The following KMT2B variants were observed in gnomAD, a reference collection of about 807,000 sequenced individuals.
KMT2B encodes the protein histone-lysine N-methyltransferase 2B.
A neutral mutation model predicts 255.3 loss-of-function variants in KMT2B; 22 were observed. The observed-to-expected ratio is 0.09, with a 90% CI of 0.06 to 0.12. The LOEUF is 0.12. Among genes scored for constraint, KMT2B ranks in the 10% least tolerant of loss-of-function variants. The probability of loss-of-function intolerance (pLI) is 1.00; values close to 1 mark genes in which losing one functional copy is unlikely to be tolerated. For synonymous variants in KMT2B, 1,730 were observed against 1,498.1 expected, an observed-to-expected ratio of 1.15 and a Z score of -3.57; for missense variants, 3,149 against 3,737.0, an observed-to-expected ratio of 0.84 and a Z score of 4.10.
Position 35,718,507 on chromosome 19 carries a change from C to G in KMT2B, c.363+126C>G, listed in dbSNP as rs1255159239. 6.4e-6 allele frequency: 7 copies of G among 1,088,556 alleles called. No individual in the cohort carries two copies. Among genetic ancestry groups the G allele is most frequent in the Non-Finnish European group, 6.9e-6 (6 of 866,076 alleles). 67.4% of individuals were successfully genotyped at this position (1,088,556 alleles called of 1,614,324 possible). ...AGGGTTCCTTCGGAGAGACGGGGCA[C>G]GGAGGGAGGGCGGCTGCATGCAGCT... On this transcript the variant is annotated intron_variant, in intron 1 of 36. Coordinates refer to ENST00000420124, the MANE Select transcript of KMT2B (RefSeq NM_014727.3). The surrounding 1 kb of genome is among the most constrained non-coding windows in gnomAD (Gnocchi z 5.0).
At position 35,723,002 on chromosome 19, in the gene KMT2B, A is replaced by G. The variant is rs924987088; in HGVS notation, c.2730A>G (p.Ser910=). The G allele has an allele frequency of 2.5e-6, 4 of 1,595,194 alleles. No individual in the cohort carries two copies. Among genetic ancestry groups the G allele is most frequent in the Non-Finnish European group, 2.6e-6 (3 of 1,168,730 alleles). Residue 910 remains serine, a synonymous_variant, in exon 6 of 37, where the codon TCA becomes TCG. Transcript: ENST00000420124. This position sits in a 1 kb window ranked among gnomAD's most constrained non-coding sequence, Gnocchi z 7.5. ...DRQDLATEDT[S]SASETESVPS... ...CCCTGCCTGCTGCAATAGATACATCATCGGCGTCCGAGACTGAGAGTGTCC... is the reference window on the plus strand; with the variant it reads ...CCCTGCCTGCTGCAATAGATACATCGTCGGCGTCCGAGACTGAGAGTGTCC...
Position 35,727,947 on chromosome 19 carries a change from C to G in KMT2B, c.4459C>G (p.Arg1487Gly). 1 of 1,588,086 alleles carries G rather than the reference C, an allele frequency of 6.3e-7. No individual in the cohort carries two copies. Among genetic ancestry groups the G allele is most frequent in the East Asian group, 2.3e-5 (1 of 44,070 alleles). ...RHSEEGETPDRRAGGQMKGLL... is the reference protein window; with the variant it reads ...RHSEEGETPDGRAGGQMKGLL... The stretch of plus-strand genomic sequence containing the variant: ...CTCGGAGGAGGGAGAGACCCCGGAC[C>G]GCCGGGCTGGAGGCCAGATGAAGGG... Residue 1487 changes from arginine to glycine, a missense_variant, in exon 18 of 37, where the codon CGC becomes GGC. Physicochemically the swap from Arg to Gly is moderately radical, Grantham distance 125. Coordinates refer to ENST00000420124, the MANE Select transcript of KMT2B (RefSeq NM_014727.3). The surrounding 1 kb of genome is among the most constrained non-coding windows in gnomAD (Gnocchi z 4.2).
In KMT2B at chr19:35,721,339, G is replaced by A. The variant is rs775306490; in HGVS notation, c.1992G>A (p.Ser664=). The change falls in exon 3 of 37, where the codon TCG becomes TCA. Residue 664 remains serine (S), a synonymous_variant. Transcript: ENST00000420124. ...AAGCCCACCTGAAGATCTACGAATC[G>A]GTGCTTACTCCTCCTCCTCTTGGGG... is the stretch of plus-strand genomic sequence containing the variant. ...PSEAHLKIYE[S]VLTPPPLGAP... The A allele has an allele frequency of 7.6e-6, 12 of 1,570,940 alleles. No individual in the cohort carries two copies. Among genetic ancestry groups the A allele is most frequent in the Admixed American group, 1.9e-5 (1 of 53,190 alleles).
chr19:35,733,303 G>GGCCCC lies in KMT2B; in HGVS notation c.6754_6755insGCCCC (p.Ala2252GlyfsTer11). The GGCCCC allele has an allele frequency of 2.5e-5, 33 of 1,340,072 alleles. No homozygotes were observed. Among genetic ancestry groups the GGCCCC allele is most frequent in the Non-Finnish European group, 3.2e-5 (31 of 961,240 alleles). 83.0% of individuals were successfully genotyped at this position (1,340,072 alleles called of 1,614,324 possible). A position where few individuals can be genotyped will look rare whatever the true frequency, so the allele number is the denominator to read the frequency against. ...GCCCGTGGTCGGAGTGGTCCGCCCT[G>GGCCCC]CCCCGCCCCCGCCACCCCCTCCCCT... On this transcript the variant is annotated frameshift_variant, in exon 28 of 37. Coordinates refer to ENST00000420124, the MANE Select transcript of KMT2B (RefSeq NM_014727.3). LOFTEE classifies it high-confidence loss of function. The surrounding 1 kb of genome is among the most constrained non-coding windows in gnomAD (Gnocchi z 4.3).
rs1304738048 is a variant in KMT2B at position 35,727,111 on chromosome 19, G to A, written c.4004-45G>A. On this transcript the variant is annotated intron_variant, in intron 14 of 36. Transcript: ENST00000420124. This position sits in a 1 kb window ranked among gnomAD's most constrained non-coding sequence, Gnocchi z 4.2. The stretch of plus-strand genomic sequence containing the variant: ...CTTGAACAGAGACACTCAGGGCTGA[G>A]TGGGAACTCCAGCACCTCTGACTCC... 3 of 1,382,304 alleles carry A rather than the reference G, an allele frequency of 2.2e-6. No homozygotes were observed. Among genetic ancestry groups the A allele is most frequent in the Non-Finnish European group, 2.0e-6 (2 of 988,382 alleles). 85.6% of individuals were successfully genotyped at this position (1,382,304 alleles called of 1,614,324 possible).
At position 35,723,812 on chromosome 19, in the gene KMT2B, C is replaced by A; in HGVS notation, c.3139C>A (p.Arg1047=). 6 of 1,592,884 alleles carry A rather than the reference C, an allele frequency of 3.8e-6. No individual in the cohort carries two copies. The highest frequency in any genetic ancestry group is 1.1e-5 in the South Asian group (1 of 89,546). Residue 1047 remains arginine, a synonymous_variant, in exon 8 of 37, where the codon CGG becomes AGG. Coordinates refer to ENST00000420124, the MANE Select transcript of KMT2B (RefSeq NM_014727.3). The surrounding 1 kb of genome is among the most constrained non-coding windows in gnomAD (Gnocchi z 7.5). ...CTCCCCTGGTCCTCCAGGCCCACGCCGGGGGGCGGGAGCTGGGGGGCCCCG... is the reference window on the plus strand; with the variant it reads ...CTCCCCTGGTCCTCCAGGCCCACGCAGGGGGGCGGGAGCTGGGGGGCCCCG... ...EASPGPPGPR[R]GAGAGGPREE... is the part of the protein sequence containing the mutation.
Position 35,720,220 on chromosome 19 carries a change from A to G in KMT2B, c.873A>G (p.Gly291=), listed in dbSNP as rs1173451836. Residue 291 remains glycine (G), a synonymous_variant, in exon 3 of 37, where the codon GGA becomes GGG. Transcript: ENST00000420124. ...RGGQSSRGGR[G]GRGRGRGGGL... is the part of the protein sequence containing the mutation. The stretch of plus-strand genomic sequence containing the variant: ...GACAGTCAAGCCGTGGAGGCCGTGG[A>G]GGCAGGGGCCGCGGCCGAGGTGGTG... 1 of 1,610,800 alleles carries G rather than the reference A, an allele frequency of 6.2e-7. No individual in the cohort carries two copies. Among genetic ancestry groups the G allele is most frequent in the East Asian group, 2.2e-5 (1 of 44,792 alleles).
At position 35,728,976 on chromosome 19, in the gene KMT2B, C is replaced by T. The variant is rs1424141713; in HGVS notation, c.4688-9C>T. The T allele has an allele frequency of 1.9e-6, 3 of 1,613,824 alleles. No individual in the cohort carries two copies. The highest frequency in any genetic ancestry group is 2.5e-6 in the Non-Finnish European group (3 of 1,179,830). On this transcript the variant is annotated splice_polypyrimidine_tract_variant and intron_variant, in intron 20 of 36. Coordinates refer to ENST00000420124, the MANE Select transcript of KMT2B (RefSeq NM_014727.3). ...GATTCTTAGACCTCCCTTCACATTT[C>T]CTCTTCAGCATTCCAGGGCAAGGAT... is the stretch of plus-strand genomic sequence containing the variant.
Position 35,720,031 on chromosome 19 carries a change from A to G in KMT2B, c.684A>G (p.Ala228=), listed in dbSNP as rs761508634. The G allele has an allele frequency of 3.1e-6, 5 of 1,611,930 alleles. No individual in the cohort carries two copies. In the African/African-American group the frequency reaches 4.0e-5, roughly 13 times the overall value. Residue 228 remains alanine (A), a synonymous_variant, in exon 3 of 37, where the codon GCA becomes GCG. Transcript: ENST00000420124. ...GGGGACGGCCCCCAGGACGGCCAGC[A>G]GGCCCCTGCAGGAGGAAGCAGCAAG... ...RSRGRPPGRP[A]GPCRRKQQAV...
chr19:35,729,714 C>G (rs962124490), intron 22 of KMT2B, among the ~76,000 whole-genome samples: 9 of 152,172 alleles, frequency 5.9e-5, no homozygotes, highest in African/African-American at 2.2e-4. Flanking sequence ...ATGAAAATAA[C>G]ACAACCTCCG....
In KMT2B at chr19:35,721,968, G is replaced by A. The variant is rs966126233; in HGVS notation, c.2457+164G>A. Among the ~76,000 whole-genome samples, 16 of 150,006 alleles carry A rather than the reference G, an allele frequency of 1.1e-4. No homozygotes were observed. The East Asian group carries it at 3.1e-3, about 29-fold the overall frequency. On this transcript the variant is annotated intron_variant, in intron 3 of 36. Coordinates refer to ENST00000420124, the MANE Select transcript of KMT2B (RefSeq NM_014727.3). ...CTTCCTTTGTTCCTCCCCAGACCTG[G>A]CCCTTCTCTGTGCTAGTTCCCTGTC...
rs965503785 is a variant in KMT2B at position 35,720,949 on chromosome 19, C to T, written c.1602C>T (p.Ala534=). 2 of 1,612,046 alleles carry T rather than the reference C, an allele frequency of 1.2e-6. No individual in the cohort carries two copies. Among genetic ancestry groups the T allele is most frequent in the Non-Finnish European group, 1.7e-6 (2 of 1,179,294 alleles). Residue 534 remains alanine, a synonymous_variant, in exon 3 of 37, where the codon GCC becomes GCT. Coordinates refer to ENST00000420124, the MANE Select transcript of KMT2B (RefSeq NM_014727.3). ...AGTTTATTATGCCTGTGGTGAGTGC[C>T]CGCTCCTCCCGTGTCATCAAGACAC... ...IRQFIMPVVS[A]RSSRVIKTPR...
At chr19:35,734,418 A>G (rs1010776588) in intron 30 of KMT2B, among the ~76,000 whole-genome samples, 3 of 152,166 alleles carry the variant, frequency 2.0e-5, no homozygotes, top group Non-Finnish European at 4.4e-5. Context: ...TGGTTGAAGA[A>G]GGCAAAACAG....
At position 35,729,959 on chromosome 19, in the gene KMT2B, C is replaced by G; in HGVS notation, c.4918-8C>G. 2 of 1,610,640 alleles carry G rather than the reference C, an allele frequency of 1.2e-6. No individual in the cohort carries two copies. The highest frequency in any genetic ancestry group is 1.7e-6 in the Non-Finnish European group (2 of 1,179,134). Reference sequence around the variant, plus strand: ...GGCTTCTCCCCTGAGCTGCCCTCCCCTACGCAGCGCTGCGAGCTCTGCCTG... The same window carrying G: ...GGCTTCTCCCCTGAGCTGCCCTCCCGTACGCAGCGCTGCGAGCTCTGCCTG... On this transcript the variant is annotated splice_region_variant and splice_polypyrimidine_tract_variant and intron_variant, in intron 22 of 36. Coordinates refer to ENST00000420124, the MANE Select transcript of KMT2B (RefSeq NM_014727.3).
At position 35,723,623 on chromosome 19, in the gene KMT2B, C is replaced by T. The variant is rs1032496680; in HGVS notation, c.3059-109C>T. 3.0e-5 allele frequency: 39 copies of T among 1,293,846 alleles called. No individual in the cohort carries two copies. The highest frequency in any genetic ancestry group is 3.9e-5 in the Non-Finnish European group (37 of 945,720). The allele number at this position is 1,293,846 out of a possible 1,614,324, so 80.1% of individuals were successfully genotyped here. ...CCCTCTCCATCTTCTCCGTTGTGTG[C>T]TTTCATAGCTCCTGCGTTCATTCCC... On this transcript the variant is annotated intron_variant, in intron 7 of 36. Transcript: ENST00000420124. This position sits in a 1 kb window ranked among gnomAD's most constrained non-coding sequence, Gnocchi z 7.5.
chr19:35,718,264 C>T lies in KMT2B; in HGVS notation c.246C>T (p.Arg82=), dbSNP rs1247706264. 8 of 1,213,636 alleles carry T rather than the reference C, an allele frequency of 6.6e-6. No homozygotes were observed. Among genetic ancestry groups the T allele is most frequent in the Non-Finnish European group, 8.3e-6 (8 of 968,392 alleles). The allele number at this position is 1,213,636 out of a possible 1,614,324, so 75.2% of individuals were successfully genotyped here. The part of the protein sequence containing the change: ...GLRRGLRRLR[R]LWAGPRVQRG... ...GCCGGGGCCTGCGCCGGCTCCGCCGCCTGTGGGCCGGCCCGCGGGTCCAGC... is the reference window on the plus strand; with the variant it reads ...GCCGGGGCCTGCGCCGGCTCCGCCGTCTGTGGGCCGGCCCGCGGGTCCAGC... The change falls in exon 1 of 37, where the codon CGC becomes CGT. Residue 82 remains arginine, a synonymous_variant. Transcript: ENST00000420124. The surrounding 1 kb of genome is among the most constrained non-coding windows in gnomAD (Gnocchi z 5.0).
intron 30 of KMT2B, chr19:35,735,083 C>G (rs1212672137): frequency 6.6e-6 from 1 of 152,278 alleles, no homozygotes; most frequent in Non-Finnish European, 1.5e-5. Context: ...GTCCTGTGGT[C>G]AGTCCTGCTG....
rs747425048 is a variant in KMT2B, at chr19:35,733,703, C to T, written c.7049+17C>T. ...AAGTCCTGGGTGAGTGGCCAGGCCC[C>T]TCTCCCTGGAGGGTCTGGGACCTCT... On this transcript the variant is annotated intron_variant, in intron 29 of 36. Coordinates refer to ENST00000420124, the MANE Select transcript of KMT2B (RefSeq NM_014727.3). The surrounding 1 kb of genome is among the most constrained non-coding windows in gnomAD (Gnocchi z 4.3). 1.5e-4 allele frequency: 238 copies of T among 1,605,208 alleles called. No homozygotes were observed. Among genetic ancestry groups the T allele is most frequent in the Non-Finnish European group, 1.9e-4 (222 of 1,175,926 alleles).
Position 35,732,745 on chromosome 19 carries a change from G to A in KMT2B, c.6196G>A (p.Asp2066Asn), listed in dbSNP as rs755914378. 6.8e-6 allele frequency: 11 copies of A among 1,610,256 alleles called. No individual in the cohort carries two copies. The highest frequency in any genetic ancestry group is 2.7e-5 in the African/African-American group (2 of 74,882). ...PRIEQLDGVD[D>N]GTDSEAEAVQ... ...CATTGAACAGCTGGACGGCGTGGAC[G>A]ACGGCACTGACAGTGAGGCTGAGGC... The change falls in exon 28 of 37, where the codon GAC (aspartate) becomes AAC (asparagine). Residue 2066 changes from aspartate to asparagine, a missense_variant. Transcript: ENST00000420124.
Sources: allele counts gnomAD v4.1 joint callset (sites outside exome capture counted in the v4.1 genomes callset), GRCh38; gene constraint gnomAD v4.1.1; non-coding constraint Gnocchi (gnomAD v3.1); transcripts MANE v1.5; gene names NCBI Gene and HGNC (gene_info 2026-07-23, HGNC 2026-07-21).